AKAP19: variants seen among roughly 807,000 people sequenced by gnomAD.
AKAP19 encodes A-kinase anchoring protein 19.
the AKAP19 span, among the ~76,000 whole-genome samples, chr2:189,964,234 G>T: frequency 6.6e-6 from 1 of 152,156 alleles, no homozygotes; most frequent in Non-Finnish European, 1.5e-5. Flanking sequence ...GTATTTTGAA[G>T]GAAGTCTTTT....
the AKAP19 span, among the ~76,000 whole-genome samples, chr2:190,013,691 ATTT>A: frequency 6.6e-6 from 1 of 150,702 alleles, no homozygotes; most frequent in East Asian, 1.9e-4. Flanking sequence ...AATTTTTTGT[ATTT>A]TTTTTAGTAG....
the AKAP19 span, among the ~76,000 whole-genome samples, chr2:189,902,994 G>C: frequency 6.6e-6 from 1 of 151,806 alleles, no homozygotes; most frequent in Non-Finnish European, 1.5e-5. Context: ...GTAGAATGAG[G>C]GAAATAATTT....
chr2:189,933,361 C>G, the AKAP19 span, among the ~76,000 whole-genome samples: 9 of 150,564 alleles, frequency 6.0e-5, no homozygotes, highest in Non-Finnish European at 1.2e-4. Context: ...ACACTTAATA[C>G]TCAGTAAATA....
At chr2:189,988,734 C>T in the AKAP19 span, among the ~76,000 whole-genome samples, 56 of 152,276 alleles carry the variant, frequency 3.7e-4, no homozygotes, top group African/African-American at 1.3e-3. Flanking sequence ...CTCCTTCTTC[C>T]GAAGTATATA....
chr2:190,094,762 T>C, the AKAP19 span, among the ~76,000 whole-genome samples: 1 of 152,222 alleles, frequency 6.6e-6, no homozygotes, highest in African/African-American at 2.4e-5. Flanking sequence ...GTCATGTATT[T>C]TGAACGATCC....
the AKAP19 span, among the ~76,000 whole-genome samples, chr2:190,175,181 T>C: frequency 6.6e-6 from 1 of 152,200 alleles, no homozygotes. Flanking sequence ...CATAGAAATA[T>C]AGTGTCTATT....
the AKAP19 span, among the ~76,000 whole-genome samples, chr2:190,144,099 C>G: frequency 1.0e-4 from 15 of 148,472 alleles, no homozygotes; most frequent in Admixed American, 6.7e-5. Flanking sequence ...TGCAGCACAC[C>G]AGCATGGCAC....
chr2:190,119,315 G>A, the AKAP19 span, among the ~76,000 whole-genome samples: 1 of 152,200 alleles, frequency 6.6e-6, no homozygotes, highest in Admixed American at 6.5e-5. Context: ...CCCGCGCTTA[G>A]GTAGTATCAG....
the AKAP19 span, among the ~76,000 whole-genome samples, chr2:190,156,862 A>G: frequency 6.6e-6 from 1 of 152,210 alleles, no homozygotes; most frequent in Non-Finnish European, 1.5e-5. Context: ...GTAATTAAAA[A>G]TACATTTACC....
the AKAP19 span, among the ~76,000 whole-genome samples, chr2:189,985,570 T>G: frequency 1.3e-5 from 2 of 152,202 alleles, no homozygotes; most frequent in African/African-American, 2.4e-5. Context: ...GAATGGCCTC[T>G]GGATGATAGC....
chr2:190,047,642 G>C, the AKAP19 span, among the ~76,000 whole-genome samples: 1 of 152,206 alleles, frequency 6.6e-6, no homozygotes, highest in Non-Finnish European at 1.5e-5. Context: ...ATGAATGGGT[G>C]AAGTCTGATA....
At chr2:190,100,530 CAA>C in the AKAP19 span, among the ~76,000 whole-genome samples, 1 of 152,002 alleles carries the variant, frequency 6.6e-6, no homozygotes, top group Non-Finnish European at 1.5e-5. Flanking sequence ...TACCATAAAA[CAA>C]ATAACTACGT....
chr2:190,019,456 C>A, the AKAP19 span, among the ~76,000 whole-genome samples: 1 of 152,118 alleles, frequency 6.6e-6, no homozygotes, highest in South Asian at 2.1e-4. Flanking sequence ...CCAAGTAGAA[C>A]TTCCCACCAC....
chr2:190,124,650 C>T, the AKAP19 span, among the ~76,000 whole-genome samples: 1 of 152,266 alleles, frequency 6.6e-6, no homozygotes, highest in South Asian at 2.1e-4. Flanking sequence ...TTCGAGGCTG[C>T]AGTAAGCTAT....
At chr2:189,984,583 C>A in the AKAP19 span, among the ~76,000 whole-genome samples, 1 of 152,158 alleles carries the variant, frequency 6.6e-6, no homozygotes, top group Non-Finnish European at 1.5e-5. Flanking sequence ...CGACATACAT[C>A]CTCCTCGGCT....
At chr2:190,153,702 T>G in the AKAP19 span, among the ~76,000 whole-genome samples, 1 of 152,168 alleles carries the variant, frequency 6.6e-6, no homozygotes, top group Non-Finnish European at 1.5e-5. Flanking sequence ...CATTAATATA[T>G]TTTGTATTAT....
the AKAP19 span, among the ~76,000 whole-genome samples, chr2:190,070,167 T>G: frequency 6.6e-6 from 1 of 152,188 alleles, no homozygotes; most frequent in Non-Finnish European, 1.5e-5. Flanking sequence ...AACTGAAAGA[T>G]TCAATGAGCT....
the AKAP19 span, chr2:189,917,268 A>G: frequency 4.4e-6 from 6 of 1,363,628 alleles, no homozygotes; most frequent in Non-Finnish European, 6.1e-6. Context: ...TCGCTGTCTG[A>G]GCAAATCAGT....
the AKAP19 span, among the ~76,000 whole-genome samples, chr2:189,895,590 A>G: frequency 1.3e-5 from 2 of 152,136 alleles, no homozygotes; most frequent in African/African-American, 4.8e-5. Context: ...TGCAGGTGTT[A>G]ATGTACCAAT....
Sources: allele counts gnomAD v4.1 joint callset (sites outside exome capture counted in the v4.1 genomes callset), GRCh38; gene constraint gnomAD v4.1.1; transcripts MANE v1.5; gene names NCBI Gene and HGNC (gene_info 2026-07-23, HGNC 2026-07-21).